The following SPAG16 variants were observed in gnomAD, a reference collection of about 807,000 sequenced individuals.
The protein encoded by SPAG16 is sperm associated antigen 16.
SPAG16 carries 86 observed loss-of-function variants against 80.4 expected under a neutral mutation model. The observed-to-expected ratio is 1.07, with a 90% CI of 0.90 to 1.28. The LOEUF (loss-of-function observed/expected upper bound fraction) is 1.28. SPAG16 is among the 50% of genes most tolerant of loss of function. The pLI, the probability that SPAG16 is intolerant of heterozygous loss-of-function variation, is 0.00. For synonymous variants in SPAG16, 294 were observed against 265.9 expected, an observed-to-expected ratio of 1.11 and a Z score of -1.03; for missense variants, 870 against 765.3, an observed-to-expected ratio of 1.14 and a Z score of -1.61.
intron 10 of SPAG16, among the ~76,000 whole-genome samples, chr2:213,733,615 T>A (rs10932495): frequency 0.53 from 80,667 of 151,570 alleles, 21,792 homozygotes; most frequent in Middle Eastern, 0.59. Context: ...AAGACTTTCT[T>A]GTATTTGGTT....
chr2:214,409,576 C>G (rs1426081096), intron 15 of SPAG16, among the ~76,000 whole-genome samples: 2 of 152,036 alleles, frequency 1.3e-5, no homozygotes, highest in Non-Finnish European at 2.9e-5. Context: ...TAAAAACTCT[C>G]AAGTCATTTT....
intron 9 of SPAG16, among the ~76,000 whole-genome samples, chr2:213,426,819 A>T (rs2069950859): frequency 7.3e-6 from 1 of 136,612 alleles, no homozygotes. Flanking sequence ...ACTTTTTCAA[A>T]AGATTATTCT....
At chr2:214,039,778 T>C (rs1373666915) in intron 13 of SPAG16, among the ~76,000 whole-genome samples, 2 of 152,216 alleles carry the variant, frequency 1.3e-5, no homozygotes, top group African/African-American at 4.8e-5. Context: ...TATTTGGCAA[T>C]AAAGATAAAG....
chr2:213,788,321 A>AAAAAGGAAAAGG (rs1301963115), intron 10 of SPAG16, among the ~76,000 whole-genome samples: 7 of 152,084 alleles, frequency 4.6e-5, no homozygotes, highest in African/African-American at 1.7e-4. Flanking sequence ...AATAAGCTAC[A>AAAAAGGAAAAGG]CAATCACATT....
intron 9 of SPAG16, among the ~76,000 whole-genome samples, chr2:213,409,575 A>G (rs2125387479): frequency 6.6e-6 from 1 of 152,356 alleles, no homozygotes; most frequent in South Asian, 2.1e-4. Context: ...AAATTATAAA[A>G]GGTTAAAAAG....
At chr2:213,676,188 G>C (rs1169875538) in intron 10 of SPAG16, among the ~76,000 whole-genome samples, 1 of 152,026 alleles carries the variant, frequency 6.6e-6, no homozygotes, top group Non-Finnish European at 1.5e-5. Context: ...CTCTCTGTCT[G>C]TTATTGGTGT....
chr2:213,354,799 C>T (rs894160773), intron 7 of SPAG16, among the ~76,000 whole-genome samples: 1 of 152,112 alleles, frequency 6.6e-6, no homozygotes, highest in Non-Finnish European at 1.5e-5. Flanking sequence ...AAAATTTTCT[C>T]CCATTGTGTA....
At position 213,908,600 on chromosome 2, in the gene SPAG16, A is replaced by G. The variant is rs145334303; in HGVS notation, c.1215-21360A>G. 5.8e-3 allele frequency among the ~76,000 whole-genome samples: 890 copies of G among 152,208 alleles called. 1 individual carries two copies. Among genetic ancestry groups the G allele is most frequent in the Non-Finnish European group, 8.7e-3 (590 of 68,020 alleles). On this transcript the variant is annotated intron_variant, in intron 11 of 15. Transcript: ENST00000331683. ...TTCGACGAGAATTCATAATACCTAT[A>G]TATAGTGCTGTCCTCTCAGCTCCTT...
At chr2:213,350,063 G>A (rs936712621) in intron 6 of SPAG16, among the ~76,000 whole-genome samples, 5 of 152,086 alleles carry the variant, frequency 3.3e-5, no homozygotes, top group African/African-American at 2.4e-5. Context: ...ATATCAAAAT[G>A]TTTTTATACT....
intron 14 of SPAG16, among the ~76,000 whole-genome samples, chr2:214,128,982 T>C (rs1331619310): frequency 1.3e-5 from 2 of 151,816 alleles, no homozygotes; most frequent in Non-Finnish European, 2.9e-5. Context: ...AAATTTTTCA[T>C]TCTGTCTGTT....
At chr2:214,327,194 C>G (rs1696559019) in intron 15 of SPAG16, among the ~76,000 whole-genome samples, 1 of 152,058 alleles carries the variant, frequency 6.6e-6, no homozygotes, top group African/African-American at 2.4e-5. Context: ...CAAACTGGAC[C>G]ATGTTTGTGA....
At chr2:213,663,211 A>G (rs2063486717) in intron 10 of SPAG16, among the ~76,000 whole-genome samples, 1 of 152,232 alleles carries the variant, frequency 6.6e-6, no homozygotes, top group East Asian at 1.9e-4. Context: ...GAAAATAAAA[A>G]ATTCTATAGT....
chr2:213,920,961 G>T (rs989455258), intron 11 of SPAG16, among the ~76,000 whole-genome samples: 5 of 152,200 alleles, frequency 3.3e-5, no homozygotes. Context: ...GATTCCAGAG[G>T]CCTGTGGCAA....
At chr2:213,470,862 T>C (rs1448349856) in intron 9 of SPAG16, among the ~76,000 whole-genome samples, 2 of 152,236 alleles carry the variant, frequency 1.3e-5, no homozygotes, top group Admixed American at 6.5e-5. Context: ...TTTTGACCAC[T>C]TAGAGAGGTC....
chr2:213,402,571 C>T (rs1056040709), intron 9 of SPAG16, among the ~76,000 whole-genome samples: 1 of 145,344 alleles, frequency 6.9e-6, no homozygotes, highest in Non-Finnish European at 1.5e-5. Flanking sequence ...TGCTATCCCT[C>T]CCCCCTCCCC....
intron 13 of SPAG16, among the ~76,000 whole-genome samples, chr2:214,093,981 G>A (rs1186210201): frequency 6.6e-6 from 1 of 151,964 alleles, no homozygotes; most frequent in Non-Finnish European, 1.5e-5. Flanking sequence ...TATTATTTAA[G>A]GTGTGGTCTG....
intron 15 of SPAG16, among the ~76,000 whole-genome samples, chr2:214,351,774 ATT>A (rs34879537): frequency 1.3e-5 from 2 of 149,828 alleles, no homozygotes; most frequent in Non-Finnish European, 3.0e-5. Flanking sequence ...AATTGTATCA[ATT>A]TTTTTTTTAG....
At chr2:214,360,530 T>G (rs988226414) in intron 15 of SPAG16, among the ~76,000 whole-genome samples, 1 of 151,856 alleles carries the variant, frequency 6.6e-6, no homozygotes, top group Admixed American at 6.6e-5. Context: ...GTGATTGTCA[T>G]TTTTTCTGAG....
intron 10 of SPAG16, among the ~76,000 whole-genome samples, chr2:213,831,400 TCA>T (rs2073649540): frequency 1.5e-5 from 2 of 132,606 alleles, no homozygotes; most frequent in South Asian, 3.1e-4. Flanking sequence ...GCTTTTCAAT[TCA>T]TAATTCAGGT....
Sources: allele counts gnomAD v4.1 joint callset (sites outside exome capture counted in the v4.1 genomes callset), GRCh38; gene constraint gnomAD v4.1.1; transcripts MANE v1.5; gene names NCBI Gene and HGNC (gene_info 2026-07-23, HGNC 2026-07-21).